The following SLC35F4 variants were observed in gnomAD, a reference collection of about 807,000 sequenced individuals.
The protein encoded by SLC35F4 is solute carrier family 35 member F4.
Under a neutral mutation model 44.2 loss-of-function variants are expected in SLC35F4, and 24 were observed. The ratio of observed to expected loss-of-function variants is 0.54; its 90% CI spans 0.39 to 0.76. SLC35F4 has a LOEUF of 0.76. SLC35F4 is among the 30% of genes least tolerant of loss of function. The pLI, the probability that SLC35F4 is intolerant of heterozygous loss-of-function variation, is 0.00. For missense variants in SLC35F4, 562 were observed against 586.1 expected, an observed-to-expected ratio of 0.96 and a Z score of 0.42; for synonymous variants, 238 against 223.6, an observed-to-expected ratio of 1.06 and a Z score of -0.57.
chr14:57,601,547 G>T (rs909936908), intron 1 of SLC35F4, among the ~76,000 whole-genome samples: 2 of 152,022 alleles, frequency 1.3e-5, no homozygotes, highest in African/African-American at 4.8e-5. Context: ...CCACTTATAA[G>T]AGAGAACATG....
chr14:57,706,188 C>G (rs17093595), intron 1 of SLC35F4, among the ~76,000 whole-genome samples: 7,163 of 152,224 alleles, frequency 0.047, 221 homozygotes, highest in South Asian at 0.086. Flanking sequence ...CTGCATATTA[C>G]AGAGATTATG....
At position 57,914,054 on chromosome 14, in the gene SLC35F4, C is replaced by T. The variant is rs147936774; in HGVS notation, n.282+67859G>A. On this transcript the variant is annotated intron_variant and non_coding_transcript_variant, in intron 1 of 1. Coordinates refer to the SLC35F4 transcript ENST00000556568. ...GAGAAGTTGGATGTAGTTATCTTTG[C>T]TCCTATATAGATCAGATATTGTCTT... Among the ~76,000 whole-genome samples, 460 of 152,324 alleles carry T rather than the reference C, an allele frequency of 3.0e-3. 3 individuals carry two copies. The highest frequency in any genetic ancestry group is 1.0e-2 in the African/African-American group (414 of 41,574).
chr14:57,690,146 G>A (rs1257606114), intron 1 of SLC35F4, among the ~76,000 whole-genome samples: 1 of 152,078 alleles, frequency 6.6e-6, no homozygotes, highest in Non-Finnish European at 1.5e-5. Flanking sequence ...GCATCTCATG[G>A]AATGAGTTAG....
chr14:57,698,119 C>T (rs1239764549), intron 1 of SLC35F4, among the ~76,000 whole-genome samples: 1 of 152,200 alleles, frequency 6.6e-6, no homozygotes, highest in Non-Finnish European at 1.5e-5. Flanking sequence ...ATATAAACTA[C>T]TTAGAACAGC....
intron 1 of SLC35F4, chr14:57,603,945 T>G (rs1311542795): frequency 6.6e-6 from 1 of 152,218 alleles, no homozygotes; most frequent in Non-Finnish European, 1.5e-5. Flanking sequence ...TCTCTATGGG[T>G]GACAGTCCTT....
intron 1 of SLC35F4, among the ~76,000 whole-genome samples, chr14:57,640,390 A>G (rs950620741): frequency 6.6e-6 from 1 of 152,118 alleles, no homozygotes; most frequent in African/African-American, 2.4e-5. Context: ...GAAAATGTAT[A>G]AAAACTTCAA....
chr14:57,832,460 A>C (rs1013926376), intron 1 of SLC35F4, among the ~76,000 whole-genome samples: 1 of 152,226 alleles, frequency 6.6e-6, no homozygotes, highest in Non-Finnish European at 1.5e-5. Flanking sequence ...ATAGTTAAGA[A>C]AATTATATTG....
chr14:57,878,327 GT>G (rs1228839237), intron 1 of SLC35F4, among the ~76,000 whole-genome samples: 1 of 152,002 alleles, frequency 6.6e-6, no homozygotes, highest in African/African-American at 2.4e-5. Flanking sequence ...ATTCTAATTT[GT>G]TTTTCTAACC....
chr14:57,727,358 T>C (rs2076230805), intron 1 of SLC35F4, among the ~76,000 whole-genome samples: 1 of 152,160 alleles, frequency 6.6e-6, no homozygotes, highest in East Asian at 1.9e-4. Flanking sequence ...AAAACCAGTT[T>C]ATGTTTTGTT....
chr14:57,575,614 C>T (rs1427859560), intron 4 of SLC35F4, among the ~76,000 whole-genome samples: 2 of 152,232 alleles, frequency 1.3e-5, no homozygotes, highest in Admixed American at 1.3e-4. Flanking sequence ...TTAAACCTCT[C>T]TGCCCTCACA....
chr14:57,803,704 C>T (rs1880947689), intron 1 of SLC35F4, among the ~76,000 whole-genome samples: 1 of 150,930 alleles, frequency 6.6e-6, no homozygotes, highest in South Asian at 2.1e-4. Context: ...ATTCTCCTGC[C>T]TCAGCCTCCT....
chr14:57,976,290 G>T (rs58773089), downstream of SLC35F4, among the ~76,000 whole-genome samples: 1 of 152,210 alleles, frequency 6.6e-6, no homozygotes, highest in Non-Finnish European at 1.5e-5. Context: ...TACTTGAAAA[G>T]CAATTGTATT....
At chr14:57,919,798 A>G (rs1216086852) in intron 1 of SLC35F4, among the ~76,000 whole-genome samples, 1 of 152,164 alleles carries the variant, frequency 6.6e-6, no homozygotes, top group African/African-American at 2.4e-5. Context: ...AGGCTGAGGG[A>G]GAGGAGAGCT....
At chr14:57,639,301 A>G (rs1255280785) in intron 1 of SLC35F4, among the ~76,000 whole-genome samples, 1 of 152,116 alleles carries the variant, frequency 6.6e-6, no homozygotes, top group Non-Finnish European at 1.5e-5. Context: ...CACAAGATAT[A>G]CCACTTCTCA....
chr14:57,982,808 C>G (rs2783239), upstream of SLC35F4, among the ~76,000 whole-genome samples: 11,033 of 152,252 alleles, frequency 0.072, 535 homozygotes, highest in Non-Finnish European at 0.1. Flanking sequence ...CTGGAGGACA[C>G]ACTGGCTACT....
chr14:57,932,173 T>G (rs1372820899), intron 1 of SLC35F4, among the ~76,000 whole-genome samples: 1 of 152,094 alleles, frequency 6.6e-6, no homozygotes, highest in Non-Finnish European at 1.5e-5. Context: ...CTTGCTAGAG[T>G]TTAGTGAGGT....
At chr14:57,847,622 A>G (rs1886151380) in intron 1 of SLC35F4, among the ~76,000 whole-genome samples, 1 of 152,228 alleles carries the variant, frequency 6.6e-6, no homozygotes, top group South Asian at 2.1e-4. Flanking sequence ...GTTTTATTAC[A>G]ATATAACATA....
chr14:57,907,324 T>C (rs924640612), intron 1 of SLC35F4, among the ~76,000 whole-genome samples: 1 of 152,212 alleles, frequency 6.6e-6, no homozygotes, highest in African/African-American at 2.4e-5. Context: ...AAACAAAATC[T>C]GTGTGGCTCA....
At chr14:57,960,371 T>C (rs1890316222) in intron 1 of SLC35F4, among the ~76,000 whole-genome samples, 1 of 152,244 alleles carries the variant, frequency 6.6e-6, no homozygotes, top group African/African-American at 2.4e-5. Context: ...GGGAAACTTC[T>C]AATGTCCCTT....
Sources: gnomAD v4.1 joint callset for allele counts (sites outside exome capture counted in the v4.1 genomes callset) on GRCh38, gnomAD v4.1.1 for gene constraint, MANE v1.5 for transcripts, NCBI Gene and HGNC (gene_info 2026-07-23, HGNC 2026-07-21) for gene names.